The following TTN variants were observed in gnomAD, a reference collection of about 807,000 sequenced individuals.
TTN encodes titin, also known as connectin.
A neutral mutation model predicts 3,223.0 loss-of-function variants in TTN; 1,525 were observed. The observed-to-expected ratio is 0.47, with a 90% CI of 0.45 to 0.49. The LOEUF is 0.49. TTN is among the 20% of genes least tolerant of loss of function. The probability of loss-of-function intolerance (pLI) is 0.00; values close to 1 mark genes in which losing one functional copy is unlikely to be tolerated. For missense variants in TTN, 40,786 were observed against 43,424.0 expected, an observed-to-expected ratio of 0.94 and a Z score of 5.40; for synonymous variants, 14,094 against 15,161.0, an observed-to-expected ratio of 0.93 and a Z score of 5.17.
chr2:178,678,960 T>C (rs2068715533), intron 142 of TTN, 130 bp from the exon 143 acceptor site: 1 of 755,480 alleles, frequency 1.3e-6, no homozygotes, highest in African/African-American at 1.9e-5. Flanking sequence ...CTGAAAATTA[T>C]AATAGCCACA....
chr2:178,593,517 T>C (rs2050693188), intron 298 of TTN, 42 bp from the exon 299 acceptor site: 3 of 1,597,300 alleles, frequency 1.9e-6, no homozygotes, highest in East Asian at 2.2e-5. Flanking sequence ...TTTATTTCTT[T>C]ATATTAGTTT....
At chr2:178,698,709 C>T (rs1369311178) in intron 112 of TTN, 134 bp downstream of exon 112, 4 of 811,000 alleles carry the variant, frequency 4.9e-6, no homozygotes, top group South Asian at 1.7e-5. Context: ...AAGACGAGGG[C>T]GAAAGTGAGT....
At chr2:178,696,398 T>G (rs1234784065) in intron 113 of TTN, 129 bp from the exon 114 acceptor site, 1 of 865,844 alleles carries the variant, frequency 1.2e-6, no homozygotes, top group African/African-American at 1.7e-5. Flanking sequence ...TTTTTTTTTT[T>G]TGTATTGGTT....
chr2:178,733,838 G>A lies in TTN; in HGVS notation c.15551C>T (p.Thr5184Ile). 6.2e-7 allele frequency: 1 copy of A among 1,613,414 alleles called. No individual in the cohort carries two copies. Among genetic ancestry groups the A allele is most frequent in the Non-Finnish European group, 8.5e-7 (1 of 1,179,500 alleles). ...TCTCACAGCAGCTTGCAGGGTAACG[G>A]TTTGTCCTCCTAGTGCAATCAAATC... ...VDDLIALGGQ[T>I]VTLQAAVRGS... is the part of the protein sequence containing the mutation. The change falls in exon 53 of 363, where the codon ACC (threonine) becomes ATC (isoleucine). Residue 5184 changes from threonine to isoleucine, a missense_variant. Coordinates refer to ENST00000589042, the MANE Select transcript of TTN (RefSeq NM_001267550.2).
intron 242 of TTN, among the ~76,000 whole-genome samples, chr2:178,623,672 T>C (rs1231384146): frequency 6.6e-6 from 1 of 151,882 alleles, no homozygotes; most frequent in Non-Finnish European, 1.5e-5. Context: ...TGGTACAAGA[T>C]GCATGAAGCA....
In TTN at chr2:178,728,476, G is replaced by T. The variant is rs577624304; in HGVS notation, c.19426+24C>A. ...AAAGGACATACTATAAATAAGGGAA[G>T]CTGACTGGGGTGAAGATACAAACCT... On this transcript the variant is annotated intron_variant, in intron 66 of 362. Coordinates refer to ENST00000589042, the MANE Select transcript of TTN (RefSeq NM_001267550.2). 5 of 1,591,964 alleles carry T rather than the reference G, an allele frequency of 3.1e-6. No individual in the cohort carries two copies. The African/African-American group carries it at 4.0e-5, about 13-fold the overall frequency.
intron 141 of TTN, 59 bp downstream of exon 141, chr2:178,679,540 G>T (rs369556876): frequency 1.3e-6 from 2 of 1,587,292 alleles, no homozygotes; most frequent in African/African-American, 2.7e-5. Flanking sequence ...TCAGAAGAAA[G>T]TTAACTATTT....
chr2:178,646,271 C>T (rs1040326482), intron 216 of TTN, among the ~76,000 whole-genome samples: 1 of 150,620 alleles, frequency 6.6e-6, no homozygotes, highest in Non-Finnish European at 1.5e-5. Flanking sequence ...GCACCAATAA[C>T]AACAACAAAC....
In TTN at chr2:178,539,408, T is replaced by C. The variant is rs1337530273; in HGVS notation, c.98657A>G (p.Glu32886Gly). The change falls in exon 352 of 363, where the codon GAA (glutamate) becomes GGA (glycine). Residue 32886 changes from glutamate (E) to glycine (G), a missense_variant. Coordinates refer to ENST00000589042, the MANE Select transcript of TTN (RefSeq NM_001267550.2). Reference sequence around the variant, plus strand: ...CAATGGTGTTTTTGGTGTGACTGGTTCCTCAGATTTCAAGGGTTTGCTTAT... The same window carrying C: ...CAATGGTGTTTTTGGTGTGACTGGTCCCTCAGATTTCAAGGGTTTGCTTAT... ...FGISKPLKSEEPVTPKTPLNP... is the reference protein window; with the variant it reads ...FGISKPLKSEGPVTPKTPLNP... 1.2e-6 allele frequency: 2 copies of C among 1,612,846 alleles called. No individual in the cohort carries two copies. Among genetic ancestry groups the C allele is most frequent in the Non-Finnish European group, 1.7e-6 (2 of 1,178,912 alleles).
Position 178,684,796 on chromosome 2 carries a change from A to G in TTN, c.32555-47T>C, listed in dbSNP as rs1342088911. 6 of 1,583,130 alleles carry G rather than the reference A, an allele frequency of 3.8e-6. No homozygotes were observed. In the African/African-American group the frequency reaches 4.1e-5, roughly 11 times the overall value. Reference sequence around the variant, plus strand: ...CCATCAAACATACGATATGGAAAACACTAAACACAGGCACACTTATTTTCT... The same window carrying G: ...CCATCAAACATACGATATGGAAAACGCTAAACACAGGCACACTTATTTTCT... On this transcript the variant is annotated intron_variant, in intron 130 of 362. Coordinates refer to ENST00000589042, the MANE Select transcript of TTN (RefSeq NM_001267550.2).
Position 178,610,193 on chromosome 2 carries a change from G to A in TTN, c.51333C>T (p.Leu17111=). The change falls in exon 271 of 363, where the codon CTC becomes CTT. Residue 17111 remains leucine, a synonymous_variant. Coordinates refer to ENST00000589042, the MANE Select transcript of TTN (RefSeq NM_001267550.2). ...GGAAGAAGTATTCACCATTTGGTAT[G>A]AGATCCTTCACAGTCCATGACAGTT... ...ENKLSWTVKD[L]IPNGEYFFRV... 1.2e-6 allele frequency: 2 copies of A among 1,613,012 alleles called. No homozygotes were observed. The highest frequency in any genetic ancestry group is 8.5e-7 in the Non-Finnish European group (1 of 1,179,298).
At position 178,589,519 on chromosome 2, in the gene TTN, T is replaced by A; in HGVS notation, c.62206A>T (p.Asn20736Tyr). The change falls in exon 304 of 363, where the codon AAC becomes TAC. Residue 20736 changes from asparagine (N) to tyrosine (Y), a missense_variant. Physicochemically the swap from Asn to Tyr is moderately radical, Grantham distance 143. Transcript: ENST00000589042. The stretch of plus-strand genomic sequence containing the variant: ...TGCACTCTGAACTCATAAATCTGGT[T>A]TTCAACACATCTGTCAACCATGTAG... Reference protein sequence around the residue: ...THYMVDRCVENQIYEFRVQTK... With the variant: ...THYMVDRCVEYQIYEFRVQTK... 6.2e-7 allele frequency: 1 copy of A among 1,613,410 alleles called. No homozygotes were observed.
chr2:178,749,391 C>G (rs752872991), intron 47 of TTN: 6 of 1,613,002 alleles, frequency 3.7e-6, no homozygotes, highest in Non-Finnish European at 5.1e-6. Flanking sequence ...GCACCATGCA[C>G]AAATCTGGGA....
rs1162453553 is a variant in TTN at position 178,568,890 on chromosome 2, A to G, written c.77242T>C (p.Cys25748Arg). 1.2e-6 allele frequency: 2 copies of G among 1,613,034 alleles called. No homozygotes were observed. The highest frequency in any genetic ancestry group is 1.1e-5 in the South Asian group (1 of 91,056). Reference sequence around the variant, plus strand: ...GCCTGAAGAGACTTTACTCGAGCACACTCTGACCATTTCTCACTGTGTTTA... The same window carrying G: ...GCCTGAAGAGACTTTACTCGAGCACGCTCTGACCATTTCTCACTGTGTTTA... ...QAKHSEKWSECARVKSLQAVI... is the reference protein window; with the variant it reads ...QAKHSEKWSERARVKSLQAVI... The change falls in exon 326 of 363, where the codon TGT (cysteine) becomes CGT (arginine). Residue 25748 changes from cysteine to arginine, a missense_variant. Coordinates refer to ENST00000589042, the MANE Select transcript of TTN (RefSeq NM_001267550.2).
At position 178,593,615 on chromosome 2, in the gene TTN, A is replaced by C; in HGVS notation, c.58685T>G (p.Ile19562Arg). 4 of 1,612,962 alleles carry C rather than the reference A, an allele frequency of 2.5e-6. No individual in the cohort carries two copies. The highest frequency in any genetic ancestry group is 3.4e-6 in the Non-Finnish European group (4 of 1,179,514). Residue 19562 changes from isoleucine to arginine, a missense_variant, in exon 298 of 363, where the codon ATA (isoleucine) becomes AGA (arginine). Ile to Arg is a moderately conservative substitution (Grantham distance 97). Coordinates refer to ENST00000589042, the MANE Select transcript of TTN (RefSeq NM_001267550.2). ...TGAATCAGACACCAGAGGATCACTTATTCCATACAGATTTTCAGCATGTAT... is the reference window on the plus strand; with the variant it reads ...TGAATCAGACACCAGAGGATCACTTCTTCCATACAGATTTTCAGCATGTAT... ...FRIHAENLYG[I>R]SDPLVSDSMK...
Position 178,559,810 on chromosome 2 carries a change from C to A in TTN, c.86322G>T (p.Met28774Ile). The change falls in exon 326 of 363, where the codon ATG becomes ATT. Residue 28774 changes from methionine (M) to isoleucine (I), a missense_variant. Transcript: ENST00000589042. Reference sequence around the variant, plus strand: ...CTGGTCTTCCTCGGAAAGGCACAGTCATGGTAAATGAGGCACCAGCCTTGA... The same window carrying A: ...CTGGTCTTCCTCGGAAAGGCACAGTAATGGTAAATGAGGCACCAGCCTTGA... ...LIVKAGASFT[M>I]TVPFRGRPVP... The A allele has an allele frequency of 1.2e-6, 2 of 1,610,014 alleles. No homozygotes were observed. The highest frequency in any genetic ancestry group is 1.1e-5 in the South Asian group (1 of 90,770).
rs72629789 is a variant in TTN at position 178,531,525 on chromosome 2, G to A, written c.105090C>T (p.Asp35030=). The A allele has an allele frequency of 1.3e-4, 210 of 1,613,884 alleles. No individual in the cohort carries two copies. The highest frequency in any genetic ancestry group is 1.6e-4 in the Non-Finnish European group (189 of 1,179,876). The stretch of plus-strand genomic sequence containing the variant: ...AGGTGGTATAATCCCCTCCTGTCAC[G>A]TCCAACGTTGCATAGTCAGAAGCTT... ...KGEASDYATL[D]VTGGDYTTYA... Residue 35030 remains aspartate (D), a synonymous_variant, in exon 358 of 363, where the codon GAC becomes GAT. Transcript: ENST00000589042.
intron 3 of TTN, among the ~76,000 whole-genome samples, chr2:178,801,673 T>C (rs1210788475): frequency 6.6e-6 from 1 of 152,194 alleles, no homozygotes; most frequent in Non-Finnish European, 1.5e-5. Flanking sequence ...ATTTGAATAA[T>C]AAACAAGCAT....
chr2:178,567,791 T>C lies in TTN; in HGVS notation c.78341A>G (p.Tyr26114Cys). The C allele has an allele frequency of 6.2e-7, 1 of 1,613,534 alleles. No homozygotes were observed. The highest frequency in any genetic ancestry group is 2.2e-5 in the East Asian group (1 of 44,842). The change falls in exon 326 of 363, where the codon TAT becomes TGT. Residue 26114 changes from tyrosine to cysteine, a missense_variant. Coordinates refer to ENST00000589042, the MANE Select transcript of TTN (RefSeq NM_001267550.2). ...GCCTGTAATCATACTTCCACCATCA[T>C]ACACAGGTTTGGTCCACTGTAAAGT... ...EITLQWTKPVYDGGSMITGYI... is the reference protein window; with the variant it reads ...EITLQWTKPVCDGGSMITGYI...
Sources: allele counts gnomAD v4.1 joint callset (sites outside exome capture counted in the v4.1 genomes callset), GRCh38; gene constraint gnomAD v4.1.1; transcripts MANE v1.5; gene names NCBI Gene and HGNC (gene_info 2026-07-23, HGNC 2026-07-21).